The following EMCN variants were observed in gnomAD, a reference collection of about 807,000 sequenced individuals.
The protein encoded by EMCN is MUC-14.
EMCN carries 37 observed loss-of-function variants against 38.4 expected under a neutral mutation model. The ratio of observed to expected loss-of-function variants is 0.96; its 90% CI spans 0.74 to 1.27. The LOEUF (loss-of-function observed/expected upper bound fraction) is 1.27. Ranked by LOEUF, EMCN falls within the 50% of genes most tolerant of loss-of-function variation. The probability of loss-of-function intolerance (pLI) is 0.00; values close to 1 mark genes in which losing one functional copy is unlikely to be tolerated. For synonymous variants in EMCN, 95 were observed against 100.8 expected (o/e 0.94, Z 0.35); for missense variants, 318 against 302.8 (o/e 1.05, Z -0.37).
At chr4:100,439,272 T>A (rs995391321) in intron 5 of EMCN, among the ~76,000 whole-genome samples, 1 of 152,072 alleles carries the variant, frequency 6.6e-6, no homozygotes, top group Admixed American at 6.6e-5. Context: ...AGTTTTTTGT[T>A]ACTTCTTTGA....
intron 5 of EMCN, among the ~76,000 whole-genome samples, chr4:100,434,187 A>C (rs938607203): frequency 6.6e-6 from 1 of 152,100 alleles, no homozygotes; most frequent in African/African-American, 2.4e-5. Flanking sequence ...GATAAGGGGG[A>C]TATCACCACT....
At chr4:100,491,558 A>C (rs1175381330) in intron 1 of EMCN, among the ~76,000 whole-genome samples, 1 of 152,236 alleles carries the variant, frequency 6.6e-6, no homozygotes, top group Non-Finnish European at 1.5e-5. Context: ...AGAGCAAAGC[A>C]GTTGGTCCCA....
intron 5 of EMCN, among the ~76,000 whole-genome samples, chr4:100,443,747 G>C (rs183408731): frequency 6.6e-6 from 1 of 152,282 alleles, no homozygotes; most frequent in African/African-American, 2.4e-5. Context: ...CAGTAAGGCA[G>C]GGTCTGTTCC....
chr4:100,466,057 T>A (rs780320244), intron 3 of EMCN, among the ~76,000 whole-genome samples: 1 of 151,704 alleles, frequency 6.6e-6, no homozygotes, highest in South Asian at 2.1e-4. Flanking sequence ...TGGACATAAA[T>A]GGAATACACT....
At chr4:100,403,865 A>G (rs770033770) in intron 11 of EMCN, among the ~76,000 whole-genome samples, 4 of 152,034 alleles carry the variant, frequency 2.6e-5, no homozygotes, top group Non-Finnish European at 5.9e-5. Context: ...GGCCCTGTGT[A>G]TGTCTTCTTT....
intron 1 of EMCN, among the ~76,000 whole-genome samples, chr4:100,511,076 G>A (rs1003700068): frequency 3.9e-5 from 6 of 152,068 alleles, no homozygotes; most frequent in African/African-American, 1.2e-4. Context: ...GCTGTGAGGC[G>A]GAGTAGTGAC....
At chr4:100,420,406 G>T (rs1726855156) in intron 8 of EMCN, among the ~76,000 whole-genome samples, 1 of 151,966 alleles carries the variant, frequency 6.6e-6, no homozygotes, top group Non-Finnish European at 1.5e-5. Context: ...TGTTATGAAA[G>T]GTAAGAGGTG....
At chr4:100,434,383 CA>C (rs767318585) in intron 5 of EMCN, among the ~76,000 whole-genome samples, 47 of 70,678 alleles carry the variant, frequency 6.6e-4, no homozygotes, top group Admixed American at 1.9e-3. Flanking sequence ...GCCTACCAAG[CA>C]AAAAAAAAAA....
At position 100,396,603 on chromosome 4, in the gene EMCN, T is replaced by C. The variant is rs1485867901; in HGVS notation, c.*1810A>G. The C allele has an allele frequency of 3.6e-5, 5 of 139,720 alleles. No homozygotes were observed. The highest frequency in any genetic ancestry group is 1.3e-4 in the African/African-American group (5 of 37,266). 8.7% of individuals were successfully genotyped at this position (139,720 alleles called of 1,614,324 possible). On this transcript the variant is annotated 3_prime_UTR_variant, in exon 12 of 12. Transcript: ENST00000296420. ...TGTCACCCAGGCTGGAGTGCAATAGTGCCATCTCAGCTCACTGCAACCTCT... is the reference window on the plus strand; with the variant it reads ...TGTCACCCAGGCTGGAGTGCAATAGCGCCATCTCAGCTCACTGCAACCTCT...
chr4:100,469,977 G>A (rs575036161), intron 3 of EMCN, among the ~76,000 whole-genome samples: 77 of 152,006 alleles, frequency 5.1e-4, no homozygotes, highest in African/African-American at 1.6e-3. Flanking sequence ...TAGGACATAA[G>A]CATGGGCAAA....
intron 3 of EMCN, among the ~76,000 whole-genome samples, chr4:100,474,658 A>G (rs1560630881): frequency 6.6e-6 from 1 of 152,254 alleles, no homozygotes; most frequent in Non-Finnish European, 1.5e-5. Context: ...ATGCAATATT[A>G]TTTAGTAATA....
At position 100,407,130 on chromosome 4, in the gene EMCN, T is replaced by C. The variant is rs548120048; in HGVS notation, c.*39+3152A>G. On this transcript the variant is annotated intron_variant, in intron 11 of 11. Coordinates refer to ENST00000296420, the MANE Select transcript of EMCN (RefSeq NM_016242.4). ...CTATAGGTGTCCTTGAATGTGAGATTGGTCTCTTAAAGACAGCATACACTT... is the reference window on the plus strand; with the variant it reads ...CTATAGGTGTCCTTGAATGTGAGATCGGTCTCTTAAAGACAGCATACACTT... 4.1e-4 allele frequency among the ~76,000 whole-genome samples: 63 copies of C among 152,298 alleles called. No individual in the cohort carries two copies. The South Asian group carries it at 0.013, about 31-fold the overall frequency.
intron 5 of EMCN, among the ~76,000 whole-genome samples, chr4:100,431,977 C>T (rs1284847930): frequency 6.6e-6 from 1 of 152,102 alleles, no homozygotes; most frequent in African/African-American, 2.4e-5. Context: ...GATCTCTTAT[C>T]AATGAAATCA....
At chr4:100,464,767 A>G (rs552188669) in intron 4 of EMCN, among the ~76,000 whole-genome samples, 21 of 151,944 alleles carry the variant, frequency 1.4e-4, no homozygotes, top group African/African-American at 3.4e-4. Context: ...TTTTTTTGCA[A>G]TATTTTATCG....
chr4:100,456,291 T>A (rs1411030055), intron 4 of EMCN, among the ~76,000 whole-genome samples: 1 of 152,192 alleles, frequency 6.6e-6, no homozygotes, highest in Non-Finnish European at 1.5e-5. Flanking sequence ...TTTTTGTTGA[T>A]CCACTTTATG....
intron 4 of EMCN, among the ~76,000 whole-genome samples, chr4:100,449,661 C>T (rs1462265695): frequency 2.6e-5 from 4 of 151,982 alleles, no homozygotes; most frequent in African/African-American, 9.7e-5. Context: ...AAGACAAAAC[C>T]TTCTGATTAT....
Position 100,479,952 on chromosome 4 carries a change from T to C in EMCN, c.152A>G (p.Asn51Ser). 6.2e-7 allele frequency: 1 copy of C among 1,609,386 alleles called. No homozygotes were observed. The highest frequency in any genetic ancestry group is 2.2e-5 in the East Asian group (1 of 44,596). Residue 51 changes from asparagine (N) to serine (S), a missense_variant, in exon 2 of 12, where the codon AAT (asparagine) becomes AGT (serine). Physicochemically the swap from Asn to Ser is conservative, Grantham distance 46. Coordinates refer to ENST00000296420, the MANE Select transcript of EMCN (RefSeq NM_016242.4). The part of the protein sequence containing the change: ...TTPNTESLQK[N>S]VVTPTTGTTP... Reference sequence around the variant, plus strand: ...TGTTCCAGTTGTTGGTGTGACAACATTTTTCTGTAATGATTCTGTGTTTGG... The same window carrying C: ...TGTTCCAGTTGTTGGTGTGACAACACTTTTCTGTAATGATTCTGTGTTTGG...
chr4:100,482,950 T>A (rs1368070435), intron 1 of EMCN, among the ~76,000 whole-genome samples: 1 of 152,284 alleles, frequency 6.6e-6, no homozygotes, highest in Middle Eastern at 3.4e-3. Context: ...AAGATTGAGA[T>A]GTACTGTAAG....
At chr4:100,423,913 C>T (rs1726971199) in intron 5 of EMCN, among the ~76,000 whole-genome samples, 2 of 152,052 alleles carry the variant, frequency 1.3e-5, no homozygotes, top group Non-Finnish European at 2.9e-5. Flanking sequence ...AAGACTCCTT[C>T]ATTTTCATCC....
Sources: gnomAD v4.1 joint callset for allele counts (sites outside exome capture counted in the v4.1 genomes callset) on GRCh38, gnomAD v4.1.1 for gene constraint, MANE v1.5 for transcripts, NCBI Gene and HGNC (gene_info 2026-07-23, HGNC 2026-07-21) for gene names.